Variants in TTC7B observed in about 807,000 individuals in gnomAD.
TTC7B encodes the protein tetratricopeptide repeat protein 7B.
TTC7B carries 28 observed loss-of-function variants against 106.8 expected under a neutral mutation model. The ratio of observed to expected loss-of-function variants is 0.26; its 90% CI spans 0.19 to 0.36. TTC7B has a LOEUF of 0.36. Among genes scored for constraint, TTC7B ranks in the 10% least tolerant of loss-of-function variants. The pLI is 1.00. For missense variants in TTC7B, 862 were observed against 1,076.4 expected, an observed-to-expected ratio of 0.80 and a Z score of 2.79; for synonymous variants, 405 against 430.6, an observed-to-expected ratio of 0.94 and a Z score of 0.74.
At chr14:90,740,153 A>G (rs1175041761) in intron 4 of TTC7B, among the ~76,000 whole-genome samples, 2 of 152,224 alleles carry the variant, frequency 1.3e-5, no homozygotes, top group Non-Finnish European at 1.5e-5. Context: ...TATTTGATGC[A>G]CATAGCTTTC....
chr14:90,631,788 G>GT (rs1461786221), intron 15 of TTC7B, among the ~76,000 whole-genome samples: 5 of 152,038 alleles, frequency 3.3e-5, no homozygotes, highest in African/African-American at 9.7e-5. Context: ...TTGTGACTTT[G>GT]TTTTTTTGAT....
Position 90,578,262 on chromosome 14 carries a change from A to G in TTC7B, c.2154T>C (p.Cys718=). Residue 718 remains cysteine, a synonymous_variant, in exon 19 of 20, where the codon TGT becomes TGC. Transcript: ENST00000328459. The surrounding 1 kb of genome is among the most constrained non-coding windows in gnomAD (Gnocchi z 4.7). The stretch of plus-strand genomic sequence containing the variant: ...GGAAGAGGTTGGCAGCTTCTTGGGT[A>G]CAGGCTGTGGCTTCTGCAGGCTTCC... ...GIGKPAEATA[C]TQEAANLFPM... The G allele has an allele frequency of 6.2e-7, 1 of 1,614,172 alleles. No individual in the cohort carries two copies. The highest frequency in any genetic ancestry group is 8.5e-7 in the Non-Finnish European group (1 of 1,180,036).
At chr14:90,567,171 C>T (rs2139790959) in intron 19 of TTC7B, among the ~76,000 whole-genome samples, 1 of 152,302 alleles carries the variant, frequency 6.6e-6, no homozygotes, top group Non-Finnish European at 1.5e-5. Flanking sequence ...CTTGGTGATT[C>T]TTGGTAGATC....
intron 18 of TTC7B, 32 bp downstream of exon 18, chr14:90,593,454 C>T (rs376705484): frequency 1.3e-6 from 2 of 1,542,594 alleles, no homozygotes; most frequent in Non-Finnish European, 1.8e-6. Flanking sequence ...GGCTCTGGCA[C>T]AGCAGCGGGT....
intron 5 of TTC7B, among the ~76,000 whole-genome samples, chr14:90,702,531 A>T (rs542892282): frequency 1.4e-5 from 2 of 145,778 alleles, no homozygotes; most frequent in East Asian, 2.0e-4. Flanking sequence ...TCATTGTTTT[A>T]AAAAAAAAAA....
intron 9 of TTC7B, among the ~76,000 whole-genome samples, chr14:90,672,874 G>T (rs1886684723): frequency 6.6e-6 from 1 of 152,116 alleles, no homozygotes; most frequent in Non-Finnish European, 1.5e-5. Context: ...TCTAAGTGCT[G>T]GGCTCTGTTC....
At chr14:90,772,503 C>T (rs961968018) in intron 3 of TTC7B, 2 of 151,974 alleles carry the variant, frequency 1.3e-5, no homozygotes, top group East Asian at 1.9e-4. Context: ...TGGTATAATC[C>T]CACTTTTATA....
chr14:90,634,679 C>T (rs1307764334), intron 15 of TTC7B, among the ~76,000 whole-genome samples: 5 of 151,968 alleles, frequency 3.3e-5, no homozygotes, highest in African/African-American at 1.2e-4. Context: ...GGTCGAGGCA[C>T]AAGAATCGCT....
intron 9 of TTC7B, among the ~76,000 whole-genome samples, chr14:90,662,219 C>G (rs1747685016): frequency 6.6e-6 from 1 of 152,240 alleles, no homozygotes; most frequent in Admixed American, 6.5e-5. Flanking sequence ...ATCACAGGCT[C>G]CTGCCAGCCT....
intron 15 of TTC7B, among the ~76,000 whole-genome samples, chr14:90,641,234 C>A (rs550215382): frequency 2.6e-5 from 4 of 152,278 alleles, no homozygotes; most frequent in Admixed American, 2.0e-4. Flanking sequence ...TTCATGGTGA[C>A]AGGAATGTAA....
intron 5 of TTC7B, among the ~76,000 whole-genome samples, chr14:90,715,383 T>C (rs770240559): frequency 5.9e-5 from 9 of 152,224 alleles, no homozygotes; most frequent in African/African-American, 9.6e-5. Context: ...CCACTGGTGC[T>C]GCCACCTTCT....
chr14:90,684,637 C>T (rs892465313), intron 7 of TTC7B, among the ~76,000 whole-genome samples: 8 of 152,032 alleles, frequency 5.3e-5, no homozygotes, highest in African/African-American at 1.7e-4. Flanking sequence ...GAGTGCATAT[C>T]GTATGATTCC....
intron 1 of TTC7B, among the ~76,000 whole-genome samples, chr14:90,809,425 G>GA (rs989342770): frequency 6.8e-4 from 104 of 152,340 alleles, no homozygotes; most frequent in African/African-American, 2.4e-3. Context: ...CACCACTGCT[G>GA]ACAGCTGAAC....
At chr14:90,654,208 G>T (rs953832395) in intron 12 of TTC7B, among the ~76,000 whole-genome samples, 1 of 152,146 alleles carries the variant, frequency 6.6e-6, no homozygotes, top group Admixed American at 6.5e-5. Flanking sequence ...GGCTCCCCAG[G>T]GGGCTGGCAA....
chr14:90,801,864 C>G (rs2030291880), intron 1 of TTC7B, among the ~76,000 whole-genome samples: 1 of 152,040 alleles, frequency 6.6e-6, no homozygotes, highest in Non-Finnish European at 1.5e-5. Context: ...AGTTCGAGAC[C>G]AGCCTGGCCA....
chr14:90,626,247 G>A (rs1477077075), intron 15 of TTC7B, among the ~76,000 whole-genome samples: 1 of 152,160 alleles, frequency 6.6e-6, no homozygotes, highest in Non-Finnish European at 1.5e-5. Flanking sequence ...AAGAACTGGG[G>A]GAGCATGTCT....
chr14:90,652,192 C>T (rs191358862), intron 13 of TTC7B, among the ~76,000 whole-genome samples: 1 of 152,330 alleles, frequency 6.6e-6, no homozygotes, highest in East Asian at 1.9e-4. Flanking sequence ...TCCTGCGCCT[C>T]AGTCCCTGAC....
intron 9 of TTC7B, among the ~76,000 whole-genome samples, chr14:90,658,625 G>C (rs948694211): frequency 1.3e-5 from 2 of 152,180 alleles, no homozygotes; most frequent in South Asian, 4.1e-4. Flanking sequence ...CCCTGCCCTC[G>C]AGTAGCTTTG....
chr14:90,748,528 T>C (rs1022781508), intron 3 of TTC7B, among the ~76,000 whole-genome samples: 3 of 152,064 alleles, frequency 2.0e-5, no homozygotes, highest in Admixed American at 6.6e-5. Context: ...GGTTTCACAA[T>C]GTTGGCCAGT....
Sources: allele counts gnomAD v4.1 joint callset (sites outside exome capture counted in the v4.1 genomes callset), GRCh38; gene constraint gnomAD v4.1.1; non-coding constraint Gnocchi (gnomAD v3.1); transcripts MANE v1.5; gene names NCBI Gene and HGNC (gene_info 2026-07-23, HGNC 2026-07-21).